The following C5orf52 variants were observed in gnomAD, a reference collection of about 807,000 sequenced individuals.
C5orf52 encodes the protein chromosome 5 open reading frame 52.
Under a neutral mutation model 16.8 loss-of-function variants are expected in C5orf52, and 15 were observed. The observed-to-expected ratio is 0.89, with a 90% CI of 0.60 to 1.38. The LOEUF (loss-of-function observed/expected upper bound fraction) is 1.38. Ranked by LOEUF, C5orf52 falls within the 40% of genes most tolerant of loss-of-function variation. The pLI is 0.00. For missense variants in C5orf52, 206 were observed against 213.1 expected (o/e 0.97, Z 0.21); for synonymous variants, 83 against 87.2 (o/e 0.95, Z 0.27).
At chr5:157,671,889 T>C in intron 1 of C5orf52, 63 bp downstream of exon 1, 1 of 1,136,088 alleles carries the variant, frequency 8.8e-7, no homozygotes, top group Non-Finnish European at 1.2e-6. Context: ...CCCTAACTCT[T>C]TGGGACTCGC....
At chr5:157,671,269 G>A (rs149611619), upstream of C5orf52, 409 of 268,954 alleles carry the variant, frequency 1.5e-3, 3 homozygotes, top group African/African-American at 8.4e-3. Context: ...TACCCGCCCC[G>A]CCAGCAGGCC....
intron 2 of C5orf52, among the ~76,000 whole-genome samples, chr5:157,677,854 C>G (rs1175767915): frequency 2.0e-5 from 3 of 151,866 alleles, no homozygotes; most frequent in Non-Finnish European, 2.9e-5. Context: ...TGTGGTGGCT[C>G]AAGCCTGTAA....
At chr5:157,678,495 C>T (rs1759948694) in intron 2 of C5orf52, among the ~76,000 whole-genome samples, 1 of 152,180 alleles carries the variant, frequency 6.6e-6, no homozygotes. Flanking sequence ...CTCGCTCTGT[C>T]ACCCAGGCTG....
At chr5:157,676,649 T>C (rs1236517223) in intron 2 of C5orf52, among the ~76,000 whole-genome samples, 3 of 152,198 alleles carry the variant, frequency 2.0e-5, no homozygotes, top group Non-Finnish European at 4.4e-5. Flanking sequence ...TTCTCATTTG[T>C]AAAATAGGAT....
chr5:157,671,529 A>T, upstream of C5orf52: 1 of 1,131,798 alleles, frequency 8.8e-7, no homozygotes, highest in Non-Finnish European at 1.3e-6. Context: ...CCGCCCAGGG[A>T]CTCACTCCGC....
chr5:157,678,971 A>T (rs1178457568), intron 2 of C5orf52, among the ~76,000 whole-genome samples: 1 of 151,898 alleles, frequency 6.6e-6, no homozygotes, highest in Non-Finnish European at 1.5e-5. Context: ...CGTCTCTACT[A>T]AAAATACAAA....
intron 1 of C5orf52, among the ~76,000 whole-genome samples, chr5:157,674,043 T>G (rs1370679964): frequency 6.6e-6 from 1 of 152,196 alleles, no homozygotes; most frequent in Non-Finnish European, 1.5e-5. Flanking sequence ...GAAAACTCAG[T>G]GCCTGTAAGT....
chr5:157,673,708 T>A (rs572171284), intron 1 of C5orf52, among the ~76,000 whole-genome samples: 137 of 151,884 alleles, frequency 9.0e-4, no homozygotes, highest in Middle Eastern at 3.4e-3. Flanking sequence ...AGTACAATGG[T>A]AAAGTAGTTC....
intron 2 of C5orf52, among the ~76,000 whole-genome samples, chr5:157,676,579 T>A (rs745837088): frequency 8.5e-5 from 13 of 152,290 alleles, no homozygotes; most frequent in Non-Finnish European, 1.5e-4. Flanking sequence ...GTAGTGGAAA[T>A]AGATGGGCAA....
chr5:157,680,007 T>C lies in C5orf52; in HGVS notation c.*8T>C. 1.9e-6 allele frequency: 3 copies of C among 1,550,286 alleles called. No homozygotes were observed. The highest frequency in any genetic ancestry group is 2.6e-6 in the Non-Finnish European group (3 of 1,146,572). ...ATACCACCACCAGTTTAAACTCCAG[T>C]CTCCCAAGAAAGGCCAACCACCCTA... is the stretch of plus-strand genomic sequence containing the variant. On this transcript the variant is annotated 3_prime_UTR_variant, in exon 3 of 3. Coordinates refer to ENST00000409999, the MANE Select transcript of C5orf52 (RefSeq NM_001145132.2).
chr5:157,671,440 G>C (rs1759785740), upstream of C5orf52: 3 of 604,304 alleles, frequency 5.0e-6, no homozygotes, highest in East Asian at 2.9e-5. Context: ...GACTCTGCAC[G>C]CATGTCCAAC....
chr5:157,679,038 G>T (rs1759959004), intron 2 of C5orf52, among the ~76,000 whole-genome samples: 1 of 151,874 alleles, frequency 6.6e-6, no homozygotes, highest in African/African-American at 2.4e-5. Context: ...GGAGGCTGAG[G>T]CAGGAGAATG....
intron 2 of C5orf52, among the ~76,000 whole-genome samples, chr5:157,676,732 G>A (rs1393522505): frequency 2.6e-5 from 4 of 152,164 alleles, no homozygotes; most frequent in Non-Finnish European, 5.9e-5. Context: ...GAGAAGTTGG[G>A]TTTACATAAT....
chr5:157,672,024 C>G (rs1161039715), intron 1 of C5orf52, among the ~76,000 whole-genome samples, 198 bp downstream of exon 1: 1 of 152,220 alleles, frequency 6.6e-6, no homozygotes, highest in African/African-American at 2.4e-5. Context: ...TCCCTCGCCC[C>G]GGAATCGCGG....
At chr5:157,679,774 C>T in intron 2 of C5orf52, 67 bp from the exon 3 acceptor site, 1 of 1,444,096 alleles carries the variant, frequency 6.9e-7, no homozygotes, top group Non-Finnish European at 9.3e-7. Flanking sequence ...GTCTGCCCTG[C>T]TGCGAAGTAA....
At position 157,680,039 on chromosome 5, in the gene C5orf52, G is replaced by A; in HGVS notation, c.*40G>A. On this transcript the variant is annotated 3_prime_UTR_variant, in exon 3 of 3. Transcript: ENST00000409999. ...AGAAAGGCCAACCACCCTAGTTCTG[G>A]CAAAGGGATCTGCCCCAGGGTCACG... The A allele has an allele frequency of 1.3e-6, 2 of 1,539,896 alleles. No individual in the cohort carries two copies. The highest frequency in any genetic ancestry group is 2.4e-5 in the East Asian group (1 of 40,862).
Position 157,671,814 on chromosome 5 carries a change from C to G in C5orf52, c.200C>G (p.Pro67Arg). Residue 67 changes from proline to arginine, a missense_variant, in exon 1 of 3, where the codon CCG becomes CGG. Coordinates refer to ENST00000409999, the MANE Select transcript of C5orf52 (RefSeq NM_001145132.2). ...CFPRPRSAQQ[P>R]VLFSLMNSSE... ...CCGCGGCCGAGGTCCGCGCAGCAGC[C>G]GGTGCTGTTCAGGTGTGGCCCGCAT... 2 of 1,535,630 alleles carry G rather than the reference C, an allele frequency of 1.3e-6. No individual in the cohort carries two copies. Among genetic ancestry groups the G allele is most frequent in the Non-Finnish European group, 1.8e-6 (2 of 1,138,684 alleles).
Position 157,674,603 on chromosome 5 carries a change from A to G in C5orf52, c.213-489A>G, listed in dbSNP as rs543969447. Among the ~76,000 whole-genome samples, 11 of 152,274 alleles carry G rather than the reference A, an allele frequency of 7.2e-5. No homozygotes were observed. The South Asian group carries it at 2.3e-3, about 32-fold the overall frequency. ...TCCAACATGGTGAAACCCCGTCTCT[A>G]CTAAAAGTACAAAAATTAGCCAGGC... On this transcript the variant is annotated intron_variant, in intron 1 of 2. Transcript: ENST00000409999.
At chr5:157,671,490 A>C, upstream of C5orf52, 1 of 752,608 alleles carries the variant, frequency 1.3e-6, no homozygotes, top group South Asian at 1.9e-5. Flanking sequence ...TGTGTCTCCC[A>C]GGCAACGCGC....
Sources: gnomAD v4.1 joint callset for allele counts (sites outside exome capture counted in the v4.1 genomes callset) on GRCh38, gnomAD v4.1.1 for gene constraint, MANE v1.5 for transcripts, NCBI Gene and HGNC (gene_info 2026-07-23, HGNC 2026-07-21) for gene names.